Variants in PRKN observed in about 807,000 individuals in gnomAD.
PRKN encodes the protein parkin RBR E3 ubiquitin protein ligase.
A neutral mutation model predicts 59.5 loss-of-function variants in PRKN; 56 were observed. The ratio of observed to expected loss-of-function variants is 0.94; its 90% CI spans 0.76 to 1.18. The LOEUF (loss-of-function observed/expected upper bound fraction) is 1.18, where lower values mean the gene tolerates loss of function less well. Among genes scored for constraint, PRKN ranks in the 50% most tolerant of loss-of-function variants. The pLI is 0.00. For missense variants in PRKN, 657 were observed against 596.4 expected (o/e 1.10, Z -1.06); for synonymous variants, 250 against 222.1 (o/e 1.13, Z -1.12).
chr6:161,665,172 A>G (rs898531516), intron 7 of PRKN, among the ~76,000 whole-genome samples: 2 of 151,948 alleles, frequency 1.3e-5, no homozygotes, highest in Admixed American at 1.3e-4. Context: ...CTTCTAAACC[A>G]TGGGAATATT....
rs186232627 is a variant in PRKN at position 162,581,981 on chromosome 6, G to C, written c.8-138508C>G. On this transcript the variant is annotated intron_variant, in intron 1 of 11. Transcript: ENST00000366898. The stretch of plus-strand genomic sequence containing the variant: ...TCCCTCACATGACCTCTCTCACAAA[G>C]GGCTATAAAAGCCAAAAATTTAAAC... Among the ~76,000 whole-genome samples the C allele has an allele frequency of 7.0e-4, 107 of 152,172 alleles. No homozygotes were observed. In the East Asian group the frequency reaches 0.01, roughly 14 times the overall value.
Position 162,083,562 on chromosome 6 carries a change from G to T in PRKN, c.535-29388C>A, listed in dbSNP as rs140767580. ...AGTAGCATGAATAATGCTTTTTATT[G>T]TAATTTTGTTTTTACTTCCAAAAAG... On this transcript the variant is annotated intron_variant, in intron 4 of 11. Coordinates refer to ENST00000366898, the MANE Select transcript of PRKN (RefSeq NM_004562.3). Among the ~76,000 whole-genome samples, 183 of 151,982 alleles carry T rather than the reference G, an allele frequency of 1.2e-3. 3 individuals carry two copies. The highest frequency in any genetic ancestry group is 4.2e-3 in the African/African-American group (174 of 41,402).
intron 1 of PRKN, among the ~76,000 whole-genome samples, chr6:162,647,838 C>T (rs555158171): frequency 1.3e-5 from 2 of 150,476 alleles, no homozygotes; most frequent in East Asian, 4.0e-4. Flanking sequence ...ACCACTTTAT[C>T]TATCACTCCT....
At chr6:161,923,665 A>AT (rs745410042) in intron 6 of PRKN, among the ~76,000 whole-genome samples, 1 of 152,134 alleles carries the variant, frequency 6.6e-6, no homozygotes, top group Non-Finnish European at 1.5e-5. Context: ...CTGTATTGTT[A>AT]TTGTTGCTAT....
At chr6:161,758,463 T>A (rs6903093) in intron 7 of PRKN, among the ~76,000 whole-genome samples, 82,251 of 151,908 alleles carry the variant, frequency 0.54, 22,290 homozygotes, top group East Asian at 0.55. Context: ...ATCAAAGAAA[T>A]CCTACAAAAA....
intron 4 of PRKN, among the ~76,000 whole-genome samples, chr6:162,064,602 G>A (rs767909625): frequency 1.2e-4 from 19 of 152,214 alleles, no homozygotes; most frequent in Non-Finnish European, 2.5e-4. Context: ...GTCAAGGACT[G>A]TGTCCTACAT....
chr6:162,603,303 C>T (rs186323677), intron 1 of PRKN, among the ~76,000 whole-genome samples: 1 of 152,224 alleles, frequency 6.6e-6, no homozygotes, highest in East Asian at 1.9e-4. Flanking sequence ...AGTCCTCAGG[C>T]CTTAACTACC....
chr6:162,512,146 G>A (rs1160923286), intron 1 of PRKN, among the ~76,000 whole-genome samples: 1 of 152,174 alleles, frequency 6.6e-6, no homozygotes, highest in Non-Finnish European at 1.5e-5. Flanking sequence ...AATTAAAGTG[G>A]AAGAATGAAA....
chr6:162,530,144 A>G (rs1778452956), intron 1 of PRKN, among the ~76,000 whole-genome samples: 1 of 152,024 alleles, frequency 6.6e-6, no homozygotes, highest in Admixed American at 6.6e-5. Context: ...CAATAAAAAA[A>G]AAAAAAAAAA....
intron 6 of PRKN, among the ~76,000 whole-genome samples, chr6:161,935,799 C>T (rs2128241853): frequency 6.6e-6 from 1 of 152,272 alleles, no homozygotes; most frequent in Non-Finnish European, 1.5e-5. Context: ...AGGAAGCCTG[C>T]AGCAATAGAC....
Position 161,533,249 on chromosome 6 carries a change from T to C in PRKN, c.1083+15605A>G, listed in dbSNP as rs1779288895. Among the ~76,000 whole-genome samples, 1 of 152,186 alleles carries C rather than the reference T, an allele frequency of 6.6e-6. No homozygotes were observed. The highest frequency in any genetic ancestry group is 6.5e-5 in the Admixed American group (1 of 15,278). On this transcript the variant is annotated intron_variant, in intron 9 of 11. Coordinates refer to ENST00000366898, the MANE Select transcript of PRKN (RefSeq NM_004562.3). This position sits in a 1 kb window ranked among gnomAD's most constrained non-coding sequence, Gnocchi z 4.1. ...CTTAAAATAATTTCTGAAAAACTAG[T>C]GATACAGGAGTTGTAAAGAAATTAC...
At chr6:162,582,409 A>G (rs369646961) in intron 1 of PRKN, among the ~76,000 whole-genome samples, 11 of 152,220 alleles carry the variant, frequency 7.2e-5, no homozygotes, top group Admixed American at 3.9e-4. Context: ...CAGTTTCAGG[A>G]GTTAAGGATA....
intron 7 of PRKN, among the ~76,000 whole-genome samples, chr6:161,661,328 A>G (rs1784536354): frequency 6.6e-6 from 1 of 152,034 alleles, no homozygotes; most frequent in Non-Finnish European, 1.5e-5. Flanking sequence ...GGCAGGTTAC[A>G]TCCACTGCTG....
At chr6:162,674,810 A>G (rs1221130777) in intron 1 of PRKN, among the ~76,000 whole-genome samples, 1 of 152,166 alleles carries the variant, frequency 6.6e-6, no homozygotes, top group Non-Finnish European at 1.5e-5. Flanking sequence ...GCTAGGTAAT[A>G]AATAATACAG....
At chr6:161,849,723 G>A (rs551225055) in intron 6 of PRKN, among the ~76,000 whole-genome samples, 49 of 152,236 alleles carry the variant, frequency 3.2e-4, no homozygotes, top group African/African-American at 1.1e-3. Context: ...AATTCAATTC[G>A]AATTTTGGGT....
chr6:161,811,975 A>G (rs1389992117), intron 6 of PRKN, among the ~76,000 whole-genome samples: 1 of 152,062 alleles, frequency 6.6e-6, no homozygotes, highest in Non-Finnish European at 1.5e-5. Context: ...AAGGAAAAAT[A>G]TAACAGACAT....
intron 4 of PRKN, among the ~76,000 whole-genome samples, chr6:162,106,625 T>C (rs549949102): frequency 5.3e-5 from 8 of 152,326 alleles, no homozygotes; most frequent in Non-Finnish European, 1.2e-4. Context: ...TCTGGGACTT[T>C]GCACAAATCA....
chr6:161,367,454 A>G (rs187291842), intron 10 of PRKN, among the ~76,000 whole-genome samples: 3 of 150,708 alleles, frequency 2.0e-5, no homozygotes, highest in East Asian at 2.0e-4. Flanking sequence ...TAGAAAACTA[A>G]TAAGATGTGT....
chr6:161,419,585 A>G lies in PRKN; in HGVS notation c.1084-32708T>C, dbSNP rs1787997879. Among the ~76,000 whole-genome samples the G allele has an allele frequency of 6.6e-6, 1 of 151,294 alleles. No individual in the cohort carries two copies. The highest frequency in any genetic ancestry group is 1.5e-5 in the Non-Finnish European group (1 of 67,872). On this transcript the variant is annotated intron_variant, in intron 9 of 11. Transcript: ENST00000366898. This position sits in a 1 kb window ranked among gnomAD's most constrained non-coding sequence, Gnocchi z 4.1. ...GTATTTTTTTAAAAAACGGGGTTTC[A>G]CCATGTTGACCAGGCTGGTCTCAAA...
Sources: allele counts gnomAD v4.1 joint callset (sites outside exome capture counted in the v4.1 genomes callset), GRCh38; gene constraint gnomAD v4.1.1; non-coding constraint Gnocchi (gnomAD v3.1); transcripts MANE v1.5; gene names NCBI Gene and HGNC (gene_info 2026-07-23, HGNC 2026-07-21).